EVI5L: variants seen among roughly 807,000 people sequenced by gnomAD.
EVI5L encodes the protein ecotropic viral integration site 5 like.
A neutral mutation model predicts 106.1 loss-of-function variants in EVI5L; 30 were observed. That is an observed-to-expected ratio of 0.28 (90% CI 0.21 to 0.38). EVI5L has a LOEUF of 0.38. EVI5L is among the 10% of genes least tolerant of loss of function. The pLI is 1.00. For synonymous variants in EVI5L, 489 were observed against 483.3 expected (o/e 1.01, Z -0.15); for missense variants, 809 against 1,098.0 (o/e 0.74, Z 3.72).
At chr19:7,842,477 CAT>C (rs1173745944) in intron 1 of EVI5L, among the ~76,000 whole-genome samples, 2 of 147,282 alleles carry the variant, frequency 1.4e-5, no homozygotes, top group South Asian at 2.2e-4. Flanking sequence ...CAAGTGTGTG[CAT>C]GTGTGTGGGG....
At chr19:7,840,604 A>G (rs901619547) in intron 1 of EVI5L, among the ~76,000 whole-genome samples, 3 of 152,228 alleles carry the variant, frequency 2.0e-5, no homozygotes, top group Admixed American at 6.5e-5. Flanking sequence ...ACCTACACCC[A>G]TAAGCAGTTT....
intron 1 of EVI5L, among the ~76,000 whole-genome samples, chr19:7,843,643 C>T (rs1447804091): frequency 2.6e-5 from 3 of 116,356 alleles, no homozygotes; most frequent in Non-Finnish European, 3.6e-5. Context: ...GGGTGTGTGT[C>T]GAGTGTGTGC....
chr19:7,862,331 C>T (rs1599581098), intron 16 of EVI5L, 54 bp downstream of exon 16: 2 of 1,583,434 alleles, frequency 1.3e-6, no homozygotes, highest in South Asian at 1.2e-5. Flanking sequence ...CGTGGCCAGC[C>T]CCTGAGTTAG....
rs1599582072 is a variant in EVI5L at position 7,862,997 on chromosome 19, G to A, written c.1973G>A (p.Arg658Gln). 1 of 1,577,648 alleles carries A rather than the reference G, an allele frequency of 6.3e-7. No homozygotes were observed. The highest frequency in any genetic ancestry group is 2.3e-5 in the East Asian group (1 of 42,686). ...AGCAAGGAGGAGGTGATGGCTGTGC[G>A]ACTGCGGGAGGCGGACAGCATGGCT... ...CKSKEEVMAV[R>Q]LREADSMAAV... Residue 658 changes from arginine to glutamine, a missense_variant, in exon 18 of 20, where the codon CGA becomes CAA. Physicochemically the swap from Arg to Gln is conservative, Grantham distance 43. Transcript: ENST00000538904.
In EVI5L at chr19:7,858,150, G is replaced by A; in HGVS notation, c.1234-41G>A. On this transcript the variant is annotated intron_variant, in intron 12 of 19. Coordinates refer to ENST00000538904, the MANE Select transcript of EVI5L (RefSeq NM_001159944.3). This position sits in a 1 kb window ranked among gnomAD's most constrained non-coding sequence, Gnocchi z 5.7. ...GGCAGGGCCTTGGGTGGGAGCCGAG[G>A]GTCACGGCCTCCCCCTGCCCCCTGT... 6.5e-6 allele frequency: 10 copies of A among 1,540,344 alleles called. No individual in the cohort carries two copies. The highest frequency in any genetic ancestry group is 8.8e-6 in the Non-Finnish European group (10 of 1,141,368).
At chr19:7,855,648 C>T (rs968083454) in intron 10 of EVI5L, among the ~76,000 whole-genome samples, 26 of 152,162 alleles carry the variant, frequency 1.7e-4, no homozygotes, top group Admixed American at 1.6e-3. Flanking sequence ...GGCTGCTCGA[C>T]AGCTGCTTCC....
intron 10 of EVI5L, 36 bp downstream of exon 10, chr19:7,853,369 G>C: frequency 6.3e-7 from 1 of 1,589,518 alleles, no homozygotes; most frequent in Non-Finnish European, 8.6e-7. Flanking sequence ...GACAGGGATG[G>C]GAGGCCTTTG....
chr19:7,851,291 C>G, intron 6 of EVI5L, 143 bp from the exon 7 acceptor site: 1 of 990,904 alleles, frequency 1.0e-6, no homozygotes, highest in Non-Finnish European at 1.5e-6. Flanking sequence ...AGACAGAGTG[C>G]TGAGGGAGCA....
At position 7,862,819 on chromosome 19, in the gene EVI5L, TTGCCCGCGGTCCCGCCCC is replaced by T. The variant is rs1462645900; in HGVS notation, c.1948-140_1948-123del. On this transcript the variant is annotated intron_variant, in intron 17 of 19. Transcript: ENST00000538904. ...TGACCCGCCCCCGCCCGCACCTCCC[TTGCCCGCGGTCCCGCCCC>T]TGCCCGCGGTCCTGCCTCCTGACCC... Among the ~76,000 whole-genome samples, 12 of 38,690 alleles carry T rather than the reference TTGCCCGCGGTCCCGCCCC, an allele frequency of 3.1e-4. No individual in the cohort carries two copies. The East Asian group carries it at 4.3e-3, about 14-fold the overall frequency. 25.4% of individuals were successfully genotyped at this position (38,690 alleles called of 152,430 possible).
At chr19:7,855,591 G>A (rs1403298470) in intron 10 of EVI5L, among the ~76,000 whole-genome samples, 2 of 152,168 alleles carry the variant, frequency 1.3e-5, no homozygotes, top group East Asian at 1.9e-4. Flanking sequence ...GCCTGCCCCC[G>A]GAATTGAACC....
intron 8 of EVI5L, among the ~76,000 whole-genome samples, chr19:7,852,093 C>T (rs1416621387): frequency 6.6e-6 from 1 of 152,218 alleles, no homozygotes; most frequent in African/African-American, 2.4e-5. Context: ...CAGATCATGA[C>T]TGACTGACCA....
At chr19:7,852,025 G>A (rs1206638694) in intron 8 of EVI5L, among the ~76,000 whole-genome samples, 1 of 152,132 alleles carries the variant, frequency 6.6e-6, no homozygotes, top group Non-Finnish European at 1.5e-5. Flanking sequence ...GCTGAGCCCT[G>A]GGAGCCCCAC....
At chr19:7,854,281 C>CAAAA (rs56186481) in intron 10 of EVI5L, among the ~76,000 whole-genome samples, 1 of 94,758 alleles carries the variant, frequency 1.1e-5, no homozygotes. Flanking sequence ...GACTGTGTCT[C>CAAAA]AAAAAAAAAA....
At chr19:7,838,796 A>G (rs1978461867) in intron 1 of EVI5L, among the ~76,000 whole-genome samples, 1 of 152,026 alleles carries the variant, frequency 6.6e-6, no homozygotes. Flanking sequence ...GGGAAAAGCG[A>G]GCCAGGATGC....
At chr19:7,833,353 CAGCACCATGCCA>C (rs1377200291) in intron 1 of EVI5L, among the ~76,000 whole-genome samples, 2 of 152,250 alleles carry the variant, frequency 1.3e-5, no homozygotes, top group African/African-American at 4.8e-5. Context: ...GCCATGTGCT[CAGCACCATGCCA>C]AGCACCATTG....
Position 7,851,456 on chromosome 19 carries a change from C to G in EVI5L, c.776C>G (p.Thr259Ser). 6.2e-7 allele frequency: 1 copy of G among 1,613,050 alleles called. No homozygotes were observed. Among genetic ancestry groups the G allele is most frequent in the South Asian group, 1.1e-5 (1 of 90,786 alleles). Residue 259 changes from threonine (T) to serine (S), a missense_variant, in exon 7 of 20, where the codon ACC becomes AGC. Coordinates refer to ENST00000538904, the MANE Select transcript of EVI5L (RefSeq NM_001159944.3). ...CAGGAGCAGCTCCCAGACCTCAACA[C>G]CCACTTCCGTTCCCAAAGCTTCCAC... is the stretch of plus-strand genomic sequence containing the variant. ...MLQEQLPDLNTHFRSQSFHTS... is the reference protein window; with the variant it reads ...MLQEQLPDLNSHFRSQSFHTS...
chr19:7,842,886 GGTAT>G (rs1408291814), intron 1 of EVI5L, among the ~76,000 whole-genome samples: 1 of 150,406 alleles, frequency 6.6e-6, no homozygotes, highest in Non-Finnish European at 1.5e-5. Flanking sequence ...AATGTGCATG[GGTAT>G]GTGTGTATTG....
intron 4 of EVI5L, 37 bp downstream of exon 4, chr19:7,849,182 G>C: frequency 6.2e-7 from 1 of 1,612,666 alleles, no homozygotes; most frequent in Non-Finnish European, 8.5e-7. Context: ...CGGTCCCAAA[G>C]GAAGGAGAAG....
In EVI5L at chr19:7,850,136, C is replaced by A. The variant is rs1979167614; in HGVS notation, c.753+14C>A. 6.3e-7 allele frequency: 1 copy of A among 1,596,376 alleles called. No individual in the cohort carries two copies. Among genetic ancestry groups the A allele is most frequent in the African/African-American group, 1.3e-5 (1 of 74,860 alleles). On this transcript the variant is annotated intron_variant, in intron 6 of 19. Coordinates refer to ENST00000538904, the MANE Select transcript of EVI5L (RefSeq NM_001159944.3). This position sits in a 1 kb window ranked among gnomAD's most constrained non-coding sequence, Gnocchi z 5.4. ...TACATGCTGCAGGTGAGCAGGGCCGCAGGAGAGCAGGGCTGCAGGAGGGCA... is the reference window on the plus strand; with the variant it reads ...TACATGCTGCAGGTGAGCAGGGCCGAAGGAGAGCAGGGCTGCAGGAGGGCA...
Sources: gnomAD v4.1 joint callset for allele counts (sites outside exome capture counted in the v4.1 genomes callset) on GRCh38, gnomAD v4.1.1 for gene constraint, Gnocchi (gnomAD v3.1) non-coding constraint, MANE v1.5 for transcripts, NCBI Gene and HGNC (gene_info 2026-07-23, HGNC 2026-07-21) for gene names.